Variants in CADM2 observed in about 807,000 individuals in gnomAD.
The protein encoded by CADM2 is immunoglobulin superfamily member 4D.
A neutral mutation model predicts 49.8 loss-of-function variants in CADM2; 12 were observed. The ratio of observed to expected loss-of-function variants is 0.24; its 90% CI spans 0.15 to 0.39. The LOEUF is 0.39. Ranked by LOEUF, CADM2 falls within the 10% of genes least tolerant of loss-of-function variation. The pLI, the probability that CADM2 is intolerant of heterozygous loss-of-function variation, is 1.00. For missense variants in CADM2, 378 were observed against 492.3 expected (o/e 0.77, Z 2.20); for synonymous variants, 214 against 175.4 (o/e 1.22, Z -1.74).
chr3:85,571,430 T>C (rs1041609982), intron 1 of CADM2, among the ~76,000 whole-genome samples: 1 of 152,058 alleles, frequency 6.6e-6, no homozygotes, highest in Non-Finnish European at 1.5e-5. Context: ...CTGCTGAAAT[T>C]TTGCAGGCCA....
rs1430100830 is a variant in CADM2, at chr3:85,589,483, A to C, written c.62-137039A>C. On this transcript the variant is annotated intron_variant, in intron 1 of 9. Transcript: ENST00000383699. ...CCTCTGGTACGTGACTCCCTGTCTCAGAATTGTTCTGTCATAGGTACCAGA... is the reference window on the plus strand; with the variant it reads ...CCTCTGGTACGTGACTCCCTGTCTCCGAATTGTTCTGTCATAGGTACCAGA... Among the ~76,000 whole-genome samples the C allele has an allele frequency of 2.0e-5, 3 of 152,048 alleles. No individual in the cohort carries two copies. The East Asian group carries it at 5.8e-4, about 29-fold the overall frequency.
chr3:85,768,750 T>C (rs1049877330), intron 2 of CADM2, among the ~76,000 whole-genome samples: 19 of 138,162 alleles, frequency 1.4e-4, no homozygotes, highest in Non-Finnish European at 2.4e-4. Flanking sequence ...TACACATATA[T>C]ACATATATAG....
chr3:85,111,207 C>G (rs1028598549), intron 1 of CADM2, among the ~76,000 whole-genome samples: 1 of 151,746 alleles, frequency 6.6e-6, no homozygotes, highest in South Asian at 2.1e-4. Flanking sequence ...TGAGGTCTTT[C>G]TTATATTATC....
At chr3:85,618,449 G>A (rs1009476488) in intron 1 of CADM2, among the ~76,000 whole-genome samples, 2 of 152,002 alleles carry the variant, frequency 1.3e-5, no homozygotes, top group African/African-American at 4.8e-5. Flanking sequence ...GTTTGTTTTC[G>A]CATATCTAAC....
intron 1 of CADM2, among the ~76,000 whole-genome samples, chr3:85,445,824 A>G (rs2037422874): frequency 6.6e-6 from 1 of 152,124 alleles, no homozygotes; most frequent in African/African-American, 2.4e-5. Flanking sequence ...GAGGGTTTTA[A>G]AAAGCCAAGT....
chr3:85,780,796 C>T (rs1438276855), intron 2 of CADM2, among the ~76,000 whole-genome samples: 1 of 152,142 alleles, frequency 6.6e-6, no homozygotes, highest in Non-Finnish European at 1.5e-5. Flanking sequence ...CCAATAGCTG[C>T]TATTTTGATC....
At chr3:85,155,853 C>T (rs1046956538) in intron 1 of CADM2, among the ~76,000 whole-genome samples, 4 of 152,174 alleles carry the variant, frequency 2.6e-5, no homozygotes, top group East Asian at 1.9e-4. Flanking sequence ...GGGTACATAA[C>T]GAAATGAAGG....
At chr3:85,654,076 A>C (rs574367046) in intron 1 of CADM2, among the ~76,000 whole-genome samples, 20 of 152,346 alleles carry the variant, frequency 1.3e-4, no homozygotes, top group African/African-American at 4.6e-4. Flanking sequence ...CACATACCTG[A>C]CTGGAGTGAG....
intron 7 of CADM2, among the ~76,000 whole-genome samples, chr3:85,941,077 A>G (rs1451024048): frequency 2.0e-5 from 3 of 152,072 alleles, no homozygotes; most frequent in Admixed American, 6.6e-5. Flanking sequence ...AAGTAGTTTT[A>G]TCTCTAAAAT....
intron 1 of CADM2, among the ~76,000 whole-genome samples, chr3:85,111,980 C>T (rs1226002199): frequency 6.6e-6 from 1 of 151,818 alleles, no homozygotes; most frequent in African/African-American, 2.4e-5. Flanking sequence ...CATTAGAGCA[C>T]CTATCTAAAA....
intron 1 of CADM2, among the ~76,000 whole-genome samples, chr3:85,198,220 A>G (rs928931316): frequency 6.6e-6 from 1 of 151,890 alleles, no homozygotes; most frequent in African/African-American, 2.4e-5. Context: ...AAGCAATGAT[A>G]TTCTAAAATA....
chr3:85,183,209 A>G (rs2040977907), intron 1 of CADM2, among the ~76,000 whole-genome samples: 1 of 152,154 alleles, frequency 6.6e-6, no homozygotes, highest in Non-Finnish European at 1.5e-5. Flanking sequence ...ATGGTTATGC[A>G]TCTGAGATTC....
chr3:84,984,046 T>TACACACAC (rs569971907), intron 1 of CADM2, among the ~76,000 whole-genome samples: 17 of 115,678 alleles, frequency 1.5e-4, no homozygotes, highest in Middle Eastern at 4.1e-3. Flanking sequence ...TATATATATA[T>TACACACAC]ATACACACAC....
intron 1 of CADM2, among the ~76,000 whole-genome samples, chr3:85,294,974 A>G (rs2043915398): frequency 1.3e-5 from 2 of 152,272 alleles, no homozygotes; most frequent in Admixed American, 1.3e-4. Flanking sequence ...TCTGCACAGC[A>G]AAAGAAACTA....
intron 1 of CADM2, among the ~76,000 whole-genome samples, chr3:85,350,644 A>G (rs1055901353): frequency 1.3e-5 from 2 of 152,180 alleles, no homozygotes; most frequent in African/African-American, 4.8e-5. Flanking sequence ...ATGGAGCAGG[A>G]GGACAGTCAG....
Position 85,581,388 on chromosome 3 carries a change from G to C in CADM2, c.62-145134G>C, listed in dbSNP as rs534415411. Reference sequence around the variant, plus strand: ...TGTTATATATGTTAAACAGAAACACGTAAGAATTAGAAAAAATTCTTCCTG... The same window carrying C: ...TGTTATATATGTTAAACAGAAACACCTAAGAATTAGAAAAAATTCTTCCTG... On this transcript the variant is annotated intron_variant, in intron 1 of 9. Transcript: ENST00000383699. 4.8e-3 allele frequency among the ~76,000 whole-genome samples: 707 copies of C among 148,716 alleles called. 5 individuals carry two copies. The highest frequency in any genetic ancestry group is 7.4e-3 in the Non-Finnish European group (500 of 67,436).
At chr3:86,035,284 A>G (rs1156990108) in intron 8 of CADM2, among the ~76,000 whole-genome samples, 1 of 151,684 alleles carries the variant, frequency 6.6e-6, no homozygotes, top group Non-Finnish European at 1.5e-5. Flanking sequence ...TTCATTCTCC[A>G]TTTTCTACCT....
intron 1 of CADM2, among the ~76,000 whole-genome samples, chr3:85,089,595 C>A (rs1266300943): frequency 6.6e-6 from 1 of 152,122 alleles, no homozygotes. Flanking sequence ...AGAGAGATTT[C>A]CATTTCAATT....
intron 1 of CADM2, among the ~76,000 whole-genome samples, chr3:85,672,662 T>C (rs2065776048): frequency 6.6e-6 from 1 of 152,188 alleles, no homozygotes; most frequent in Non-Finnish European, 1.5e-5. Flanking sequence ...ATATTATAAC[T>C]GAAAACATTC....
Sources: gnomAD v4.1 joint callset for allele counts (sites outside exome capture counted in the v4.1 genomes callset) on GRCh38, gnomAD v4.1.1 for gene constraint, MANE v1.5 for transcripts, NCBI Gene and HGNC (gene_info 2026-07-23, HGNC 2026-07-21) for gene names.